Variants in NAV3 observed in about 807,000 individuals in gnomAD.
The protein encoded by NAV3 is neuron navigator 3, also known as pore membrane and/or filament interacting like protein 1.
Under a neutral mutation model 244.7 loss-of-function variants are expected in NAV3, and 87 were observed. That is an observed-to-expected ratio of 0.36 (90% confidence interval 0.30 to 0.42). The LOEUF (loss-of-function observed/expected upper bound fraction) is 0.42, where lower values mean the gene tolerates loss of function less well. Among genes scored for constraint, NAV3 ranks in the 20% least tolerant of loss-of-function variants. The probability of loss-of-function intolerance (pLI) is 1.00; values close to 1 mark genes in which losing one functional copy is unlikely to be tolerated. For synonymous variants in NAV3, 1,126 were observed against 1,042.2 expected, an observed-to-expected ratio of 1.08 and a Z score of -1.55; for missense variants, 2,663 against 2,893.3, an observed-to-expected ratio of 0.92 and a Z score of 1.83.
At chr12:78,200,344 A>T (rs1336979930) in intron 37 of NAV3, 129 bp from the exon 38 acceptor site, 2 of 492,980 alleles carry the variant, frequency 4.1e-6, no homozygotes, top group Non-Finnish European at 7.0e-6. Flanking sequence ...AATAATAATC[A>T]AGCTGGCCAA....
In NAV3 at chr12:78,118,143, G is replaced by T. The variant is rs1178314723; in HGVS notation, c.2886G>T (p.Lys962Asn). The change falls in exon 14 of 40, where the codon AAG becomes AAT. Residue 962 changes from lysine (K) to asparagine (N), a missense_variant. By Grantham distance (94) the Lys-to-Asn change is moderately conservative. This residue lies in a region of NAV3 where 1,521 missense variants were observed against 1,497.0 expected (regional missense o/e 1.02). Transcript: ENST00000397909. The part of the protein sequence containing the change: ...DSHGDAGGKW[K>N]TVSSGLPEDP... ...ATGGGGATGCTGGTGGCAAGTGGAA[G>T]ACTGTGTCCTCTGGACTTCCTGAAG... is the stretch of plus-strand genomic sequence containing the variant. 1 of 1,614,092 alleles carries T rather than the reference G, an allele frequency of 6.2e-7. No homozygotes were observed. The highest frequency in any genetic ancestry group is 8.5e-7 in the Non-Finnish European group (1 of 1,180,018).
chr12:77,646,676 C>T (rs900784622), intron 2 of NAV3, among the ~76,000 whole-genome samples: 11 of 152,026 alleles, frequency 7.2e-5, no homozygotes, highest in South Asian at 2.1e-4. Context: ...TGTCCAGGTG[C>T]GAGTCTGGGA....
Position 77,669,899 on chromosome 12 carries a change from A to G in NAV3, c.72+97633A>G, listed in dbSNP as rs1043946003. ...CCAACAACTGCAGAATATACATTCT[A>G]TTCAAGAACAATCCAAACCCAAAGC... On this transcript the variant is annotated intron_variant, in intron 2 of 8. Coordinates refer to the NAV3 transcript ENST00000550042. Among the ~76,000 whole-genome samples, 4 of 152,194 alleles carry G rather than the reference A, an allele frequency of 2.6e-5. No homozygotes were observed. The South Asian group carries it at 8.3e-4, about 31-fold the overall frequency.
At chr12:77,956,743 TA>T (rs1368418163) in intron 3 of NAV3, among the ~76,000 whole-genome samples, 1 of 151,766 alleles carries the variant, frequency 6.6e-6, no homozygotes, top group Non-Finnish European at 1.5e-5. Context: ...TTTATTTATT[TA>T]TTTATTTATT....
chr12:77,877,045 A>G (rs1881939728), intron 1 of NAV3, among the ~76,000 whole-genome samples: 1 of 152,096 alleles, frequency 6.6e-6, no homozygotes. Flanking sequence ...TACATCCCTT[A>G]AAGCTATGCA....
intron 18 of NAV3, 28 bp downstream of exon 18, chr12:78,128,894 T>C: frequency 1.2e-6 from 2 of 1,602,714 alleles, no homozygotes; most frequent in Non-Finnish European, 1.7e-6. Context: ...ATTGATTTTG[T>C]TTTGTTTCTT....
At chr12:78,056,440 T>G (rs960954971) in intron 11 of NAV3, 2 of 152,264 alleles carry the variant, frequency 1.3e-5, no homozygotes, top group East Asian at 1.9e-4. Context: ...TTAGAAGTAT[T>G]TATGCTGGCC....
rs1320394005 is a variant in NAV3, at chr12:78,006,735, C to T, written c.1197C>T (p.Pro399=). ...TCAATGCCCGGACTGCTTTACGCCC[C>T]CCGCAGCCTCCCAGTTCAGGACCTA... ...KLVNARTALR[P]PQPPSSGPSD... is the part of the protein sequence containing the mutation. Residue 399 remains proline (P), a synonymous_variant, in exon 8 of 40, where the codon CCC becomes CCT. Transcript: ENST00000397909. 1.9e-6 allele frequency: 3 copies of T among 1,614,130 alleles called. No individual in the cohort carries two copies. The highest frequency in any genetic ancestry group is 1.1e-5 in the South Asian group (1 of 91,086).
upstream of NAV3, among the ~76,000 whole-genome samples, chr12:77,830,266 T>C (rs1873470460): frequency 1.3e-5 from 2 of 152,124 alleles, no homozygotes; most frequent in African/African-American, 4.8e-5. Flanking sequence ...TGAATAACAG[T>C]GTTATTTTCA....
rs115638546 is a variant in NAV3 at position 78,015,254 on chromosome 12, C to T, written c.1908-6493C>T. Among the ~76,000 whole-genome samples, 234 of 152,208 alleles carry T rather than the reference C, an allele frequency of 1.5e-3. 1 individual carries two copies. Among genetic ancestry groups the T allele is most frequent in the African/African-American group, 5.4e-3 (224 of 41,524 alleles). ...ACTCTCATGTACACTTCTCCCAGAG[C>T]ACTCAGAGAACTTATTCATATTTCA... On this transcript the variant is annotated intron_variant, in intron 8 of 39. Transcript: ENST00000397909.
intron 2 of NAV3, among the ~76,000 whole-genome samples, chr12:77,682,660 A>C (rs921164734): frequency 3.0e-4 from 45 of 152,164 alleles, no homozygotes; most frequent in African/African-American, 1.0e-3. Flanking sequence ...TCTTGCCAGT[A>C]CTTGTTATCA....
rs192199142 is a variant in NAV3, at chr12:78,031,905, A to T, written c.2023+10043A>T. Among the ~76,000 whole-genome samples, 1,495 of 151,876 alleles carry T rather than the reference A, an allele frequency of 9.8e-3. 29 individuals are homozygous for T. Among genetic ancestry groups the T allele is most frequent in the African/African-American group, 0.034 (1,414 of 41,474 alleles). ...TATAATAAAAAAATAATAATAATAA[A>T]AAAAAAGAGAAGTGGTCTCTTTTTC... On this transcript the variant is annotated intron_variant, in intron 9 of 39. Coordinates refer to ENST00000397909, the MANE Select transcript of NAV3 (RefSeq NM_001024383.2).
At chr12:77,772,014 T>C (rs1343608765) in intron 2 of NAV3, among the ~76,000 whole-genome samples, 2 of 152,228 alleles carry the variant, frequency 1.3e-5, no homozygotes, top group African/African-American at 4.8e-5. Context: ...TGGTATCTAC[T>C]AATAACAGCT....
At chr12:77,837,737 G>A (rs1190356320) in intron 1 of NAV3, among the ~76,000 whole-genome samples, 1 of 152,142 alleles carries the variant, frequency 6.6e-6, no homozygotes, top group African/African-American at 2.4e-5. Flanking sequence ...ATTAATAGTA[G>A]GGTTTGTTTT....
intron 1 of NAV3, among the ~76,000 whole-genome samples, chr12:77,933,088 TA>T (rs1449204302): frequency 6.6e-6 from 1 of 152,226 alleles, no homozygotes; most frequent in African/African-American, 2.4e-5. Flanking sequence ...AATTTTCTCT[TA>T]AAAATGGAAT....
At chr12:78,198,793 T>C in intron 36 of NAV3, 117 bp downstream of exon 36, 1 of 720,674 alleles carries the variant, frequency 1.4e-6, no homozygotes, top group Non-Finnish European at 2.3e-6. Context: ...TTTCCATTTG[T>C]ACTTTGACAA....
chr12:77,961,799 C>T (rs1182829896), intron 3 of NAV3, among the ~76,000 whole-genome samples: 1 of 139,954 alleles, frequency 7.1e-6, no homozygotes, highest in Non-Finnish European at 1.5e-5. Context: ...TACATTCTGG[C>T]TGGTCCTCTA....
At chr12:78,160,360 A>G (rs1408696557) in intron 23 of NAV3, among the ~76,000 whole-genome samples, 1 of 140,082 alleles carries the variant, frequency 7.1e-6, no homozygotes, top group Admixed American at 7.1e-5. Flanking sequence ...GATAGGTGAA[A>G]CCTATAGAAT....
At chr12:77,913,718 G>A (rs1243151938) in intron 1 of NAV3, among the ~76,000 whole-genome samples, 1 of 152,082 alleles carries the variant, frequency 6.6e-6, no homozygotes, top group Non-Finnish European at 1.5e-5. Context: ...CAAAATAAGA[G>A]TTGAGTATTT....
Sources: allele counts gnomAD v4.1 joint callset (sites outside exome capture counted in the v4.1 genomes callset), GRCh38; gene constraint gnomAD v4.1.1; regional missense constraint gnomAD v4.1.1; transcripts MANE v1.5; gene names NCBI Gene and HGNC (gene_info 2026-07-23, HGNC 2026-07-21).